Variants in CNTNAP2 observed in about 807,000 individuals in gnomAD.
CNTNAP2 encodes the protein contactin-associated protein-like 2.
Under a neutral mutation model 155.2 loss-of-function variants are expected in CNTNAP2, and 98 were observed. That is an observed-to-expected ratio of 0.63 (90% CI 0.54 to 0.75). The LOEUF is 0.75. Among genes scored for constraint, CNTNAP2 ranks in the 30% least tolerant of loss-of-function variants. The pLI is 0.00. For synonymous variants in CNTNAP2, 651 were observed against 631.2 expected (o/e 1.03, Z -0.47); for missense variants, 1,727 against 1,688.1 (o/e 1.02, Z -0.40).
In CNTNAP2 at chr7:146,401,472, G is replaced by C. The variant is rs748288443; in HGVS notation, c.97+284499G>C. Among the ~76,000 whole-genome samples, 65 of 152,236 alleles carry C rather than the reference G, an allele frequency of 4.3e-4. 1 individual carries two copies. The highest frequency in any genetic ancestry group is 1.1e-3 in the Admixed American group (17 of 15,288). On this transcript the variant is annotated intron_variant, in intron 1 of 23. Coordinates refer to ENST00000361727, the MANE Select transcript of CNTNAP2 (RefSeq NM_014141.6). ...TCTATGTTCCCTCATTTTTTCCCCG[G>C]CATAATATTTTGTGATTTGACATTT...
chr7:147,586,340 T>A lies in CNTNAP2; in HGVS notation c.1897+24083T>A, dbSNP rs1463419558. Among the ~76,000 whole-genome samples, 3 of 127,322 alleles carry A rather than the reference T, an allele frequency of 2.4e-5. No individual in the cohort carries two copies. In the Admixed American group the frequency reaches 2.5e-4, roughly 11 times the overall value. 83.5% of individuals were successfully genotyped at this position (127,322 alleles called of 152,430 possible). On this transcript the variant is annotated intron_variant, in intron 12 of 23. Transcript: ENST00000361727. Reference sequence around the variant, plus strand: ...TAATGCTGGTCAGCTGGGCCTGAATTTCAAAAGAAAGGAGGGTATAAGGAG... The same window carrying A: ...TAATGCTGGTCAGCTGGGCCTGAATATCAAAAGAAAGGAGGGTATAAGGAG...
chr7:146,495,826 A>G (rs554564595), intron 1 of CNTNAP2, among the ~76,000 whole-genome samples: 1 of 152,158 alleles, frequency 6.6e-6, no homozygotes, highest in Admixed American at 6.5e-5. Context: ...AGGTAGGCTT[A>G]TGGGTACAAG....
At chr7:146,213,447 T>C (rs1799066503) in intron 1 of CNTNAP2, among the ~76,000 whole-genome samples, 1 of 152,212 alleles carries the variant, frequency 6.6e-6, no homozygotes, top group South Asian at 2.1e-4. Context: ...GTATTTGTCA[T>C]TTATTTACAT....
At chr7:146,666,375 A>G (rs1185391319) in intron 1 of CNTNAP2, among the ~76,000 whole-genome samples, 1 of 152,178 alleles carries the variant, frequency 6.6e-6, no homozygotes, top group African/African-American at 2.4e-5. Context: ...TATATACACC[A>G]CATTTTCTTT....
chr7:148,331,724 T>TGGAGGGATGGAG (rs1563045945), intron 21 of CNTNAP2, among the ~76,000 whole-genome samples: 1 of 29,694 alleles, frequency 3.4e-5, no homozygotes, highest in African/African-American at 1.1e-4. Flanking sequence ...GACGGATGGA[T>TGGAGGGATGGAG]TGGATGGATG....
chr7:147,150,174 A>T (rs1474059040), intron 8 of CNTNAP2, among the ~76,000 whole-genome samples: 1 of 152,184 alleles, frequency 6.6e-6, no homozygotes, highest in Non-Finnish European at 1.5e-5. Flanking sequence ...TATCAGCATG[A>T]GGATGGCATT....
At chr7:148,250,788 G>A (rs1797511116) in intron 20 of CNTNAP2, among the ~76,000 whole-genome samples, 1 of 151,166 alleles carries the variant, frequency 6.6e-6, no homozygotes, top group African/African-American at 2.4e-5. Flanking sequence ...ACCGTACCCG[G>A]CCTCATTTTA....
intron 19 of CNTNAP2, among the ~76,000 whole-genome samples, chr7:148,224,951 C>T (rs1446457681): frequency 6.6e-6 from 1 of 152,130 alleles, no homozygotes; most frequent in Admixed American, 6.6e-5. Context: ...CAGTTACCTC[C>T]CACTGGGTCC....
chr7:147,257,509 G>A (rs187670399), intron 8 of CNTNAP2, among the ~76,000 whole-genome samples: 2 of 152,274 alleles, frequency 1.3e-5, no homozygotes, highest in East Asian at 3.9e-4. Flanking sequence ...CTTCTAACAA[G>A]GGGTATTCCT....
intron 1 of CNTNAP2, among the ~76,000 whole-genome samples, chr7:146,484,072 C>T (rs751641054): frequency 6.6e-6 from 1 of 152,142 alleles, no homozygotes; most frequent in African/African-American, 2.4e-5. Flanking sequence ...CATATTTTTA[C>T]TGTACTATTT....
intron 1 of CNTNAP2, among the ~76,000 whole-genome samples, chr7:146,693,162 C>T (rs1448108651): frequency 2.0e-5 from 3 of 152,054 alleles, no homozygotes; most frequent in African/African-American, 4.8e-5. Flanking sequence ...ACAAAGATAG[C>T]ATTGTGCTTG....
chr7:148,257,509 G>A (rs1337401091), intron 20 of CNTNAP2, among the ~76,000 whole-genome samples: 5 of 152,124 alleles, frequency 3.3e-5, no homozygotes, highest in Non-Finnish European at 5.9e-5. Context: ...ACCTCTAAAT[G>A]GGTCAGCCTC....
chr7:148,359,577 G>A (rs1053017350), intron 21 of CNTNAP2, among the ~76,000 whole-genome samples: 45 of 152,266 alleles, frequency 3.0e-4, no homozygotes, highest in African/African-American at 1.1e-3. Context: ...TAGAGAGATG[G>A]AATATTTCAG....
intron 14 of CNTNAP2, among the ~76,000 whole-genome samples, chr7:147,941,571 C>G (rs1800722263): frequency 6.6e-6 from 1 of 152,202 alleles, no homozygotes; most frequent in Non-Finnish European, 1.5e-5. Flanking sequence ...ACAAATCACT[C>G]TGTGAATGGC....
At chr7:146,468,855 G>A (rs934915314) in intron 1 of CNTNAP2, among the ~76,000 whole-genome samples, 3 of 152,030 alleles carry the variant, frequency 2.0e-5, no homozygotes, top group African/African-American at 7.2e-5. Flanking sequence ...GCAAAAATAA[G>A]AGAATGCACA....
intron 10 of CNTNAP2, among the ~76,000 whole-genome samples, chr7:147,478,037 A>C (rs1798352054): frequency 6.6e-6 from 1 of 152,210 alleles, no homozygotes; most frequent in African/African-American, 2.4e-5. Context: ...GCAGCCACCA[A>C]ATGTATTATG....
At chr7:146,397,870 G>GGTTT (rs1554428065) in intron 1 of CNTNAP2, among the ~76,000 whole-genome samples, 3 of 117,496 alleles carry the variant, frequency 2.6e-5, no homozygotes, top group African/African-American at 1.4e-4. Flanking sequence ...AATTTGACAG[G>GGTTT]CTTTTATTTA....
intron 9 of CNTNAP2, among the ~76,000 whole-genome samples, chr7:147,349,463 T>C (rs1563170217): frequency 6.6e-6 from 1 of 151,900 alleles, no homozygotes; most frequent in African/African-American, 2.4e-5. Flanking sequence ...AATAGTGACA[T>C]AGGTGCCTGC....
At chr7:147,962,169 T>G (rs540852552) in intron 14 of CNTNAP2, among the ~76,000 whole-genome samples, 59 of 152,374 alleles carry the variant, frequency 3.9e-4, no homozygotes, top group African/African-American at 1.4e-3. Context: ...TAGTGGACAC[T>G]CAATAAATTT....
Sources: allele counts gnomAD v4.1 joint callset (sites outside exome capture counted in the v4.1 genomes callset), GRCh38; gene constraint gnomAD v4.1.1; transcripts MANE v1.5; gene names NCBI Gene and HGNC (gene_info 2026-07-23, HGNC 2026-07-21).